NEGR1: variants seen among roughly 807,000 people sequenced by gnomAD.
The protein encoded by NEGR1 is IgLON family member 4.
NEGR1 carries 10 observed loss-of-function variants against 40.9 expected under a neutral mutation model. The observed-to-expected ratio is 0.24, with a 90% CI of 0.15 to 0.42. NEGR1 has a LOEUF of 0.42. Among genes scored for constraint, NEGR1 ranks in the 10% least tolerant of loss-of-function variants. NEGR1 has a pLI of 1.00. For synonymous variants in NEGR1, 185 were observed against 166.8 expected, an observed-to-expected ratio of 1.11 and a Z score of -0.84; for missense variants, 352 against 438.9, an observed-to-expected ratio of 0.80 and a Z score of 1.77.
intron 6 of NEGR1, among the ~76,000 whole-genome samples, chr1:71,471,675 G>A (rs1288065217): frequency 1.3e-5 from 2 of 151,506 alleles, no homozygotes; most frequent in African/African-American, 4.8e-5. Flanking sequence ...AAAAAAAGAC[G>A]TACTTTTAAT....
intron 6 of NEGR1, among the ~76,000 whole-genome samples, chr1:71,445,880 G>C (rs1646578551): frequency 6.6e-6 from 1 of 152,114 alleles, no homozygotes; most frequent in Admixed American, 6.5e-5. Flanking sequence ...CGGTGCTAAA[G>C]CTCTGTCACA....
chr1:71,763,236 C>T (rs1337845595), intron 3 of NEGR1, among the ~76,000 whole-genome samples: 4 of 152,012 alleles, frequency 2.6e-5, no homozygotes, highest in African/African-American at 4.8e-5. Context: ...GTTATACAAA[C>T]ATTGGGTGGG....
intron 1 of NEGR1, among the ~76,000 whole-genome samples, chr1:72,085,925 G>T (rs1230322983): frequency 7.3e-6 from 1 of 137,330 alleles, no homozygotes; most frequent in Non-Finnish European, 1.5e-5. Context: ...AGCAGAGATT[G>T]CACCACTGTA....
At chr1:72,027,644 A>C (rs1646823637) in intron 1 of NEGR1, among the ~76,000 whole-genome samples, 1 of 152,206 alleles carries the variant, frequency 6.6e-6, no homozygotes, top group Non-Finnish European at 1.5e-5. Context: ...TAGGAAATAA[A>C]TTTGTTTTTA....
At chr1:71,489,916 G>A (rs1230841262) in intron 6 of NEGR1, 1 of 151,770 alleles carries the variant, frequency 6.6e-6, no homozygotes, top group Non-Finnish European at 1.5e-5. Context: ...TTGCTGGAGA[G>A]AAAAAAAGTC....
At chr1:71,542,572 T>C (rs1284731373) in intron 6 of NEGR1, among the ~76,000 whole-genome samples, 1 of 151,628 alleles carries the variant, frequency 6.6e-6, no homozygotes, top group Non-Finnish European at 1.5e-5. Context: ...GCAGATACAG[T>C]GATATGCCCA....
At chr1:71,536,171 A>C (rs1647507519) in intron 6 of NEGR1, among the ~76,000 whole-genome samples, 1 of 151,692 alleles carries the variant, frequency 6.6e-6, no homozygotes, top group Non-Finnish European at 1.5e-5. Flanking sequence ...TACGATGTAG[A>C]CATTGATTTT....
rs61573240 is a variant in NEGR1, at chr1:71,699,840, A to G, written c.536-1701T>C. ...GGGCTGGTCTTTCCATGCTAGTCTC[A>G]TAATAGTGAATAAGTCTCATGAGAT... On this transcript the variant is annotated intron_variant, in intron 3 of 6. Transcript: ENST00000357731. Among the ~76,000 whole-genome samples the G allele has an allele frequency of 3.2e-3, 481 of 151,962 alleles. 4 individuals carry two copies. Among genetic ancestry groups the G allele is most frequent in the African/African-American group, 0.011 (464 of 41,516 alleles).
At position 71,776,180 on chromosome 1, in the gene NEGR1, G is replaced by A. The variant is rs1269389483; in HGVS notation, c.527C>T (p.Ser176Phe). The A allele has an allele frequency of 6.2e-7, 1 of 1,609,456 alleles. No homozygotes were observed. The highest frequency in any genetic ancestry group is 8.5e-7 in the Non-Finnish European group (1 of 1,177,438). ...ATGCATTCCTACTTTACCTGATGGG[G>A]AGATGTGTCGCCAAGAAATGGAAGG... ...PEPSISWRHI[S>F]PSAKPFENGQ... Residue 176 changes from serine (S) to phenylalanine (F), a missense_variant, in exon 3 of 7, where the codon TCC becomes TTC. Physicochemically the swap from Ser to Phe is radical, Grantham distance 155. Coordinates refer to ENST00000357731, the MANE Select transcript of NEGR1 (RefSeq NM_173808.3).
At chr1:71,844,440 T>C (rs1168663221) in intron 2 of NEGR1, among the ~76,000 whole-genome samples, 1 of 152,180 alleles carries the variant, frequency 6.6e-6, no homozygotes, top group Non-Finnish European at 1.5e-5. Context: ...AAAAATAACA[T>C]TTGATTTGCC....
Position 71,524,156 on chromosome 1 carries a change from A to G in NEGR1, c.940+68661T>C, listed in dbSNP as rs867979903. Among the ~76,000 whole-genome samples, 7 of 151,828 alleles carry G rather than the reference A, an allele frequency of 4.6e-5. No individual in the cohort carries two copies. In the South Asian group the frequency reaches 1.4e-3, roughly 31 times the overall value. On this transcript the variant is annotated intron_variant, in intron 6 of 6. Transcript: ENST00000357731. ...TATTTCCTACATGCATTATTGAAAG[A>G]CTAATCATTTATTAGACCGAAAGTC...
chr1:71,674,829 T>C (rs953810514), intron 4 of NEGR1, among the ~76,000 whole-genome samples: 1 of 151,990 alleles, frequency 6.6e-6, no homozygotes. Context: ...TATCACTTTT[T>C]ATCTAACTTT....
intron 6 of NEGR1, among the ~76,000 whole-genome samples, chr1:71,435,129 G>A (rs1156824072): frequency 1.3e-5 from 2 of 150,216 alleles, no homozygotes; most frequent in Non-Finnish European, 3.0e-5. Context: ...AAAAAAAAGA[G>A]GGAATTATTG....
At chr1:71,641,528 A>C (rs1431963572) in intron 4 of NEGR1, among the ~76,000 whole-genome samples, 1 of 151,998 alleles carries the variant, frequency 6.6e-6, no homozygotes, top group Non-Finnish European at 1.5e-5. Flanking sequence ...TTGCAACCAA[A>C]TGAGACTGAG....
chr1:72,121,273 A>G (rs1275003576), intron 1 of NEGR1, among the ~76,000 whole-genome samples: 1 of 152,002 alleles, frequency 6.6e-6, no homozygotes, highest in African/African-American at 2.4e-5. Context: ...ATATCACTGA[A>G]CATTTTAAAA....
intron 2 of NEGR1, among the ~76,000 whole-genome samples, chr1:71,811,312 A>AATAATTTATTAATAAAATAATAATAATAT (rs1657992973): frequency 6.6e-6 from 1 of 152,090 alleles, no homozygotes; most frequent in African/African-American, 2.4e-5. Context: ...TTATTAATAA[A>AATAATTTATTAATAAAATAATAATAATAT]GGAATTCAGG....
intron 6 of NEGR1, among the ~76,000 whole-genome samples, chr1:71,568,866 G>GTGTGTGTA (rs1471502318): frequency 1.0e-4 from 14 of 138,500 alleles, no homozygotes; most frequent in Middle Eastern, 3.9e-3. Context: ...GTGTGTGTGT[G>GTGTGTGTA]TATACGTATA....
At position 72,143,914 on chromosome 1, in the gene NEGR1, A is replaced by AATAT. The variant is rs61582804; in HGVS notation, c.176+138401_176+138404dup. ...TATATATTATATATATGATATATAT[A>AATAT]ATATATATATATATATATATATATA... On this transcript the variant is annotated intron_variant, in intron 1 of 6. Transcript: ENST00000357731. Among the ~76,000 whole-genome samples the AATAT allele has an allele frequency of 8.4e-3, 1,103 of 130,542 alleles. 9 individuals carry two copies. The highest frequency in any genetic ancestry group is 0.022 in the African/African-American group (736 of 33,646). 85.6% of individuals were successfully genotyped at this position (130,542 alleles called of 152,430 possible).
At chr1:72,209,503 A>G (rs1653522715) in intron 1 of NEGR1, among the ~76,000 whole-genome samples, 1 of 151,758 alleles carries the variant, frequency 6.6e-6, no homozygotes, top group Non-Finnish European at 1.5e-5. Context: ...AAACAAGAAA[A>G]AAAATTCTAG....
Sources: allele counts gnomAD v4.1 joint callset (sites outside exome capture counted in the v4.1 genomes callset), GRCh38; gene constraint gnomAD v4.1.1; transcripts MANE v1.5; gene names NCBI Gene and HGNC (gene_info 2026-07-23, HGNC 2026-07-21).